The following RAD9B variants were observed in gnomAD, a reference collection of about 807,000 sequenced individuals.
RAD9B encodes cell cycle checkpoint control protein RAD9B.
In RAD9B, 41 loss-of-function variants were observed where a neutral mutation model predicts 48.3. The observed-to-expected ratio is 0.85, with a 90% CI of 0.66 to 1.10. The LOEUF (loss-of-function observed/expected upper bound fraction) is 1.10. RAD9B is among the 50% of genes least tolerant of loss of function. The probability of loss-of-function intolerance (pLI) is 0.00; values close to 1 mark genes in which losing one functional copy is unlikely to be tolerated. For missense variants in RAD9B, 444 were observed against 485.1 expected, an observed-to-expected ratio of 0.92 and a Z score of 0.80; for synonymous variants, 160 against 157.9, an observed-to-expected ratio of 1.01 and a Z score of -0.10.
At chr12:110,530,419 A>G (rs2064101317) in intron 10 of RAD9B, 106 bp from the exon 11 acceptor site, 1 of 968,892 alleles carries the variant, frequency 1.0e-6, no homozygotes. Flanking sequence ...CAGCAAAGAC[A>G]GGGATATAAT....
At chr12:110,505,118 C>T (rs575092251) in intron 2 of RAD9B, among the ~76,000 whole-genome samples, 20 of 151,970 alleles carry the variant, frequency 1.3e-4, no homozygotes, top group Non-Finnish European at 2.8e-4. Flanking sequence ...ATATAATATA[C>T]ATATATGTAT....
At chr12:110,529,553 C>A (rs1002996981) in intron 10 of RAD9B, among the ~76,000 whole-genome samples, 2 of 151,660 alleles carry the variant, frequency 1.3e-5, no homozygotes, top group African/African-American at 4.9e-5. Context: ...GAGTTTGAGA[C>A]CAGCCTGGGC....
At chr12:110,528,975 G>A (rs1320288800) in intron 10 of RAD9B, among the ~76,000 whole-genome samples, 10 of 152,028 alleles carry the variant, frequency 6.6e-5, no homozygotes, top group African/African-American at 1.7e-4. Context: ...TGATCCACCC[G>A]CCTTGGCCTC....
intron 6 of RAD9B, among the ~76,000 whole-genome samples, chr12:110,516,091 G>T (rs995676303): frequency 1.3e-5 from 2 of 152,132 alleles, no homozygotes; most frequent in African/African-American, 4.8e-5. Context: ...GCCAGGCATG[G>T]TGGTGCACAC....
chr12:110,505,666 T>C lies in RAD9B; in HGVS notation c.167T>C (p.Leu56Pro), dbSNP rs1156948268. ...NSSRSAYGCV[L>P]FSPVFFQHYQ... ...TCTCGGTCAGCATATGGATGTGTCCTGTTCTCTCCTGTGTTTTTTCAGCAT... is the reference window on the plus strand; with the variant it reads ...TCTCGGTCAGCATATGGATGTGTCCCGTTCTCTCCTGTGTTTTTTCAGCAT... Residue 56 changes from leucine (L) to proline (P), a missense_variant, in exon 3 of 11, where the codon CTG becomes CCG. By Grantham distance (98) the Leu-to-Pro change is moderately conservative. Coordinates refer to ENST00000409300, the MANE Select transcript of RAD9B (RefSeq NM_001286535.2). 1 of 1,582,802 alleles carries C rather than the reference T, an allele frequency of 6.3e-7. No individual in the cohort carries two copies. Among genetic ancestry groups the C allele is most frequent in the African/African-American group, 1.3e-5 (1 of 74,418 alleles).
chr12:110,518,097 A>G (rs12226942), intron 6 of RAD9B, among the ~76,000 whole-genome samples: 3,906 of 152,232 alleles, frequency 0.026, 71 homozygotes, highest in East Asian at 0.078. Flanking sequence ...AGGCTGAGGC[A>G]AGAGAATGGC....
chr12:110,523,544 C>CA (rs975199597), intron 10 of RAD9B, among the ~76,000 whole-genome samples: 2 of 152,122 alleles, frequency 1.3e-5, no homozygotes, highest in African/African-American at 4.8e-5. Context: ...GTTATATTCC[C>CA]AACACTTAGG....
chr12:110,507,515 C>T (rs58995714), intron 4 of RAD9B, among the ~76,000 whole-genome samples: 1 of 20,766 alleles, frequency 4.8e-5, no homozygotes, highest in African/African-American at 9.8e-5. Context: ...AAATATAATA[C>T]ATAATATATG....
At position 110,531,734 on chromosome 12, in the gene RAD9B, C is replaced by T; in HGVS notation, c.*1081C>T. On this transcript the variant is annotated 3_prime_UTR_variant, in exon 11 of 11. Transcript: ENST00000409300. ...GGCCCTTTAAGAGTTAGCTTTTTAC[C>T]TGCACAAATGGACTAAAAAATCTGG... The T allele has an allele frequency of 9.1e-7, 1 of 1,102,708 alleles. No individual in the cohort carries two copies. Among genetic ancestry groups the T allele is most frequent in the Middle Eastern group, 2.0e-4 (1 of 5,074 alleles). The allele number at this position is 1,102,708 out of a possible 1,614,324, so 68.3% of individuals were successfully genotyped here.
chr12:110,514,202 T>C (rs2063546656), intron 5 of RAD9B, among the ~76,000 whole-genome samples: 1 of 152,196 alleles, frequency 6.6e-6, no homozygotes, highest in Non-Finnish European at 1.5e-5. Flanking sequence ...GTTCCTGACA[T>C]TTTGATAGCA....
rs2064126654 is a variant in RAD9B, at chr12:110,531,198, C to T, written c.*545C>T. ...AAGAGTAAAAATATATAGTCACTTT[C>T]ACTTGGCTTTTTTAGACGGAGTCTC... On this transcript the variant is annotated 3_prime_UTR_variant, in exon 11 of 11. Transcript: ENST00000409300. The T allele has an allele frequency of 2.0e-6, 2 of 978,844 alleles. No individual in the cohort carries two copies. Among genetic ancestry groups the T allele is most frequent in the Non-Finnish European group, 2.5e-6 (2 of 814,536 alleles). The allele number at this position is 978,844 out of a possible 1,614,324, so 60.6% of individuals were successfully genotyped here.
Position 110,522,202 on chromosome 12 carries a change from G to T in RAD9B, c.916G>T (p.Gly306Cys). 6.3e-7 allele frequency: 1 copy of T among 1,593,268 alleles called. No homozygotes were observed. Among genetic ancestry groups the T allele is most frequent in the Non-Finnish European group, 8.5e-7 (1 of 1,169,910 alleles). ...GTCAGATCTGATTGAAAAAAAGGCTGGCAAAAATGTAACTGGCCAGGCCCT... is the reference window on the plus strand; with the variant it reads ...GTCAGATCTGATTGAAAAAAAGGCTTGCAAAAATGTAACTGGCCAGGCCCT... ...KRSDLIEKKA[G>C]KNVTGQALEC... The change falls in exon 10 of 11, where the codon GGC (glycine) becomes TGC (cysteine). Residue 306 changes from glycine (G) to cysteine (C), a missense_variant. By Grantham distance (159) the Gly-to-Cys change is radical. Coordinates refer to ENST00000409300, the MANE Select transcript of RAD9B (RefSeq NM_001286535.2).
In RAD9B at chr12:110,503,888, A is replaced by G. The variant is rs2063178069; in HGVS notation, c.117+12A>G. 6.6e-7 allele frequency: 1 copy of G among 1,516,530 alleles called. No homozygotes were observed. 93.9% of individuals were successfully genotyped at this position (1,516,530 alleles called of 1,614,324 possible). A position where few individuals can be genotyped will look rare whatever the true frequency, so the allele number is the denominator to read the frequency against. On this transcript the variant is annotated intron_variant, in intron 2 of 10. Transcript: ENST00000409300. Reference sequence around the variant, plus strand: ...CATCTAAAAAAGGTGTAAGTAAGAAAGTTAACAGATCACGTATCAAGGCAA... The same window carrying G: ...CATCTAAAAAAGGTGTAAGTAAGAAGGTTAACAGATCACGTATCAAGGCAA...
Position 110,531,111 on chromosome 12 carries a change from T to C in RAD9B, c.*458T>C, listed in dbSNP as rs1430269847. ...GTTTTCTCATGTAATACCATGGCCT[T>C]TTTTGTGCATTGTTTTTTATATTTT... On this transcript the variant is annotated 3_prime_UTR_variant, in exon 11 of 11. Transcript: ENST00000409300. 5.0e-6 allele frequency: 5 copies of C among 993,722 alleles called. No individual in the cohort carries two copies. Among genetic ancestry groups the C allele is most frequent in the East Asian group, 2.2e-4 (2 of 9,002 alleles). 61.6% of individuals were successfully genotyped at this position (993,722 alleles called of 1,614,324 possible).
intron 5 of RAD9B, among the ~76,000 whole-genome samples, 171 bp downstream of exon 5, chr12:110,513,049 T>C (rs1471632121): frequency 6.6e-6 from 1 of 151,922 alleles, no homozygotes; most frequent in Non-Finnish European, 1.5e-5. Context: ...CATTGCCAGC[T>C]CCGCCTCCTG....
rs376698137 is a variant in RAD9B at position 110,518,943 on chromosome 12, G to A, written c.767+5G>A. On this transcript the variant is annotated splice_donor_5th_base_variant and intron_variant, in intron 8 of 10. Coordinates refer to ENST00000409300, the MANE Select transcript of RAD9B (RefSeq NM_001286535.2). ...TTATTTTGATTTCCCTGGGAAGTAGGTCCTTGAGAATTTTTCTGAGCTTGT... is the reference window on the plus strand; with the variant it reads ...TTATTTTGATTTCCCTGGGAAGTAGATCCTTGAGAATTTTTCTGAGCTTGT... 13 of 1,539,194 alleles carry A rather than the reference G, an allele frequency of 8.4e-6. No homozygotes were observed. In the African/African-American group the frequency reaches 1.4e-4, roughly 16 times the overall value.
chr12:110,519,521 C>T (rs1444446116), intron 8 of RAD9B, among the ~76,000 whole-genome samples: 1 of 152,012 alleles, frequency 6.6e-6, no homozygotes, highest in Admixed American at 6.6e-5. Context: ...ACCTCCGCCT[C>T]CCAGGTTCAA....
intron 10 of RAD9B, among the ~76,000 whole-genome samples, chr12:110,525,738 T>C (rs996343208): frequency 2.0e-5 from 3 of 152,330 alleles, no homozygotes; most frequent in African/African-American, 7.2e-5. Flanking sequence ...TTGCCTAGGC[T>C]GGAGTGCAGT....
chr12:110,522,534 G>C, intron 10 of RAD9B, 123 bp downstream of exon 10: 1 of 696,424 alleles, frequency 1.4e-6, no homozygotes, highest in Middle Eastern at 2.8e-4. Context: ...TTTTTGATAG[G>C]GGAAAAGTGA....
Sources: gnomAD v4.1 joint callset for allele counts (sites outside exome capture counted in the v4.1 genomes callset) on GRCh38, gnomAD v4.1.1 for gene constraint, MANE v1.5 for transcripts, NCBI Gene and HGNC (gene_info 2026-07-23, HGNC 2026-07-21) for gene names.